The following ARNT2 variants were observed in gnomAD, a reference collection of about 807,000 sequenced individuals.
ARNT2 encodes the protein aryl hydrocarbon receptor nuclear translocator 2, also known as ARNT protein 2.
ARNT2 carries 36 observed loss-of-function variants against 91.7 expected under a neutral mutation model. The ratio of observed to expected loss-of-function variants is 0.39; its 90% CI spans 0.30 to 0.52. ARNT2 has a LOEUF of 0.52. Ranked by LOEUF, ARNT2 falls within the 20% of genes least tolerant of loss-of-function variation. ARNT2 has a pLI of 0.72. For synonymous variants in ARNT2, 365 were observed against 347.1 expected (o/e 1.05, Z -0.57); for missense variants, 775 against 939.3 (o/e 0.83, Z 2.29).
chr15:80,543,942 T>C (rs1897951609), intron 8 of ARNT2, among the ~76,000 whole-genome samples: 1 of 152,104 alleles, frequency 6.6e-6, no homozygotes. Context: ...GGTTTCACCA[T>C]GTTGGTCAGG....
At chr15:80,567,120 G>A (rs1898498942) in intron 12 of ARNT2, among the ~76,000 whole-genome samples, 1 of 152,188 alleles carries the variant, frequency 6.6e-6, no homozygotes, top group African/African-American at 2.4e-5. Context: ...CAGGGCTCAG[G>A]ATTCCATGGT....
intron 1 of ARNT2, among the ~76,000 whole-genome samples, chr15:80,437,664 G>T (rs1275341328): frequency 6.6e-6 from 1 of 152,108 alleles, no homozygotes; most frequent in Non-Finnish European, 1.5e-5. Context: ...TCAGCTGGAG[G>T]TGGCTACACC....
At chr15:80,539,615 T>TC (rs1438127514) in intron 8 of ARNT2, among the ~76,000 whole-genome samples, 11 of 152,080 alleles carry the variant, frequency 7.2e-5, no homozygotes, top group Non-Finnish European at 1.6e-4. Context: ...AAAATATAAT[T>TC]ACTTAAGAGG....
At chr15:80,482,934 G>C (rs1040026470) in intron 5 of ARNT2, among the ~76,000 whole-genome samples, 8 of 152,230 alleles carry the variant, frequency 5.3e-5, no homozygotes, top group Non-Finnish European at 1.2e-4. Context: ...TTCATATCAA[G>C]TTATCTGGAT....
At chr15:80,574,848 C>T (rs556281429) in intron 13 of ARNT2, 139 bp from the exon 14 acceptor site, 21 of 1,119,104 alleles carry the variant, frequency 1.9e-5, no homozygotes, top group African/African-American at 1.1e-4. Flanking sequence ...GCTTCCCACC[C>T]GATAAAATGT....
intron 3 of ARNT2, among the ~76,000 whole-genome samples, chr15:80,461,562 G>A (rs1896553241): frequency 6.6e-6 from 1 of 152,152 alleles, no homozygotes; most frequent in Non-Finnish European, 1.5e-5. Context: ...GAGGCTGGCC[G>A]AGGTCCAGTA....
intron 3 of ARNT2, among the ~76,000 whole-genome samples, chr15:80,462,062 G>A (rs1748782329): frequency 6.6e-6 from 1 of 152,178 alleles, no homozygotes; most frequent in Non-Finnish European, 1.5e-5. Context: ...CTGTGCCTGT[G>A]TGGATGGCCC....
rs898398939 is a variant in ARNT2 at position 80,429,013 on chromosome 15, G to A, written c.32-21867G>A. On this transcript the variant is annotated intron_variant, in intron 1 of 18. Transcript: ENST00000303329. ...TCCCCCTTTAAAATAAAAGGCAGAA[G>A]AAAATAGCTCGACTGGTGCAGCTTT... Among the ~76,000 whole-genome samples, 12 of 152,166 alleles carry A rather than the reference G, an allele frequency of 7.9e-5. No homozygotes were observed. The East Asian group carries it at 2.1e-3, about 27-fold the overall frequency.
intron 5 of ARNT2, among the ~76,000 whole-genome samples, chr15:80,477,030 C>T (rs1896816001): frequency 6.6e-6 from 1 of 152,168 alleles, no homozygotes; most frequent in Non-Finnish European, 1.5e-5. Flanking sequence ...TGTGTAGTAC[C>T]TTCCCACTCT....
intron 17 of ARNT2, among the ~76,000 whole-genome samples, chr15:80,581,935 C>T (rs1168898399): frequency 4.6e-5 from 7 of 152,198 alleles, no homozygotes; most frequent in Admixed American, 3.3e-4. Flanking sequence ...TGTAAGGAAC[C>T]TCCTCAGCAT....
At chr15:80,554,860 A>T in intron 10 of ARNT2, 1 of 518,384 alleles carries the variant, frequency 1.9e-6, no homozygotes, top group Non-Finnish European at 3.5e-6. Flanking sequence ...TGAGCATGCC[A>T]GAAGAACTTA....
At chr15:80,552,827 T>C in intron 10 of ARNT2, 53 bp downstream of exon 10, 1 of 1,585,976 alleles carries the variant, frequency 6.3e-7, no homozygotes, top group Non-Finnish European at 8.6e-7. Flanking sequence ...TAATTGTTTT[T>C]AAAACATTCT....
intron 6 of ARNT2, among the ~76,000 whole-genome samples, chr15:80,512,628 A>G (rs148139054): frequency 2.8e-3 from 429 of 152,356 alleles, no homozygotes; most frequent in African/African-American, 9.7e-3. Flanking sequence ...ATAAATGCCT[A>G]TCCTAGCTTA....
chr15:80,406,412 T>C (rs144540284), intron 1 of ARNT2, among the ~76,000 whole-genome samples: 88 of 152,244 alleles, frequency 5.8e-4, no homozygotes, highest in African/African-American at 2.0e-3. Context: ...CAATGGAAAA[T>C]TGATAGATGT....
intron 1 of ARNT2, chr15:80,433,808 C>T (rs1262424880): frequency 6.6e-6 from 1 of 152,096 alleles, no homozygotes; most frequent in Non-Finnish European, 1.5e-5. Context: ...AGGAAACTGA[C>T]CATTTTTATG....
chr15:80,593,871 C>T lies in ARNT2; in HGVS notation c.*173C>T, dbSNP rs62006457. 8.3e-6 allele frequency: 5 copies of T among 603,472 alleles called. No homozygotes were observed. Among genetic ancestry groups the T allele is most frequent in the East Asian group, 2.8e-5 (1 of 35,454 alleles). The allele number at this position is 603,472 out of a possible 1,614,324, so 37.4% of individuals were successfully genotyped here. On this transcript the variant is annotated 3_prime_UTR_variant, in exon 19 of 19. Transcript: ENST00000303329. ...TCATTGCTCCACTCTCCCCTGCAGC[C>T]GCGGCTGCTCGGCCACTGACCAGGG...
At chr15:80,490,710 G>A (rs180752910) in intron 5 of ARNT2, among the ~76,000 whole-genome samples, 47 of 152,326 alleles carry the variant, frequency 3.1e-4, no homozygotes, top group Non-Finnish European at 5.3e-4. Context: ...CAGATGAAGG[G>A]GAAACCTCTT....
chr15:80,421,403 A>G (rs1299868815), intron 1 of ARNT2, among the ~76,000 whole-genome samples: 2 of 110,486 alleles, frequency 1.8e-5, no homozygotes, highest in African/African-American at 6.5e-5. Flanking sequence ...AAATAGAAAG[A>G]AAAGAAAGGA....
chr15:80,464,829 G>A (rs757257393), intron 3 of ARNT2, among the ~76,000 whole-genome samples: 9 of 152,120 alleles, frequency 5.9e-5, no homozygotes, highest in Non-Finnish European at 1.2e-4. Flanking sequence ...CTTCCTTCCC[G>A]AGTGTCACCG....
Sources: gnomAD v4.1 joint callset for allele counts (sites outside exome capture counted in the v4.1 genomes callset) on GRCh38, gnomAD v4.1.1 for gene constraint, MANE v1.5 for transcripts, NCBI Gene and HGNC (gene_info 2026-07-23, HGNC 2026-07-21) for gene names.